RORA: variants seen among roughly 807,000 people sequenced by gnomAD.
The protein encoded by RORA is nuclear receptor ROR-alpha.
Under a neutral mutation model 69.5 loss-of-function variants are expected in RORA, and 7 were observed. The ratio of observed to expected loss-of-function variants is 0.10; its 90% confidence interval spans 0.06 to 0.19. RORA has a LOEUF of 0.19. Ranked by LOEUF, RORA falls within the 10% of genes least tolerant of loss-of-function variation. The probability of loss-of-function intolerance (pLI) is 1.00; values close to 1 mark genes in which losing one functional copy is unlikely to be tolerated. For missense variants in RORA, 457 were observed against 663.0 expected (o/e 0.69, Z 3.41); for synonymous variants, 261 against 240.8 (o/e 1.08, Z -0.78).
At chr15:61,194,341 T>C (rs2079827851) in intron 1 of RORA, among the ~76,000 whole-genome samples, 1 of 151,896 alleles carries the variant, frequency 6.6e-6, no homozygotes, top group Admixed American at 6.6e-5. Flanking sequence ...AGGAGGATCA[T>C]GAGGTCAGGA....
chr15:60,883,306 G>A (rs1348319783), intron 1 of RORA, among the ~76,000 whole-genome samples: 2 of 151,726 alleles, frequency 1.3e-5, no homozygotes, highest in Admixed American at 1.3e-4. Context: ...GTACAAATAG[G>A]GACTCTTTTG....
At chr15:61,187,456 C>G (rs2079754850) in intron 1 of RORA, among the ~76,000 whole-genome samples, 2 of 152,006 alleles carry the variant, frequency 1.3e-5, no homozygotes. Context: ...GAAGAGCCTC[C>G]AGGGGGAGGA....
At chr15:60,883,447 G>A (rs2073714760) in intron 1 of RORA, among the ~76,000 whole-genome samples, 1 of 152,104 alleles carries the variant, frequency 6.6e-6, no homozygotes, top group South Asian at 2.1e-4. Context: ...ATGATGGAAT[G>A]GTATGCAGCT....
intron 2 of RORA, among the ~76,000 whole-genome samples, chr15:60,579,248 G>A (rs2068121405): frequency 6.6e-6 from 1 of 152,064 alleles, no homozygotes; most frequent in African/African-American, 2.4e-5. Context: ...CCTCAGTATT[G>A]TTATGGAACT....
intron 1 of RORA, among the ~76,000 whole-genome samples, chr15:60,873,930 C>CT (rs1375882810): frequency 6.6e-6 from 1 of 152,188 alleles, no homozygotes; most frequent in Non-Finnish European, 1.5e-5. Context: ...AGCAGTCTGT[C>CT]TATCCTTCTA....
At chr15:61,183,520 A>C (rs1266968635) in intron 1 of RORA, among the ~76,000 whole-genome samples, 4 of 134,940 alleles carry the variant, frequency 3.0e-5, no homozygotes, top group Non-Finnish European at 4.7e-5. Flanking sequence ...GGGCAACAAG[A>C]GTGAGACTGT....
chr15:60,522,087 G>A (rs572114359), intron 3 of RORA, among the ~76,000 whole-genome samples: 1 of 152,330 alleles, frequency 6.6e-6, no homozygotes, highest in South Asian at 2.1e-4. Context: ...CAAGAGCTGA[G>A]TGCTAAAATG....
In RORA at chr15:60,493,129, A is replaced by C. The variant is rs1700374705; in HGVS notation, c.*4326T>G. ...TTGTTTTTCACCAGTCAGCACAAAG[A>C]ACTGTCAGAAAATAACTTTTTATTA... On this transcript the variant is annotated 3_prime_UTR_variant, in exon 11 of 11. Coordinates refer to ENST00000335670, the MANE Select transcript of RORA (RefSeq NM_134261.3). The C allele has an allele frequency of 6.6e-6, 1 of 152,182 alleles. No individual in the cohort carries two copies. Among genetic ancestry groups the C allele is most frequent in the South Asian group, 2.1e-4 (1 of 4,828 alleles). 9.4% of individuals were successfully genotyped at this position (152,182 alleles called of 1,614,324 possible). A position where few individuals can be genotyped will look rare whatever the true frequency, so the allele number is the denominator to read the frequency against.
intron 2 of RORA, among the ~76,000 whole-genome samples, chr15:60,595,803 G>A (rs2068654272): frequency 6.6e-6 from 1 of 152,070 alleles, no homozygotes; most frequent in African/African-American, 2.4e-5. Flanking sequence ...GGTTTCTGTT[G>A]ACTAATCTCA....
At chr15:60,819,761 A>ACACACACACACACGCG (rs2072865860) in intron 1 of RORA, among the ~76,000 whole-genome samples, 1 of 138,034 alleles carries the variant, frequency 7.2e-6, no homozygotes, top group Non-Finnish European at 1.6e-5. Context: ...ACACACACAC[A>ACACACACACACACGCG]CACACACACA....
At chr15:60,812,992 C>T (rs1172215859) in intron 1 of RORA, among the ~76,000 whole-genome samples, 1 of 152,232 alleles carries the variant, frequency 6.6e-6, no homozygotes, top group Non-Finnish European at 1.5e-5. Context: ...GATAACAAAT[C>T]TCTACCTCTC....
At chr15:60,714,927 A>C (rs2071200343) in intron 1 of RORA, among the ~76,000 whole-genome samples, 3 of 152,154 alleles carry the variant, frequency 2.0e-5, no homozygotes, top group African/African-American at 7.2e-5. Context: ...AATCCCTGAG[A>C]GTTGAGAGAC....
intron 1 of RORA, among the ~76,000 whole-genome samples, chr15:60,685,197 A>T (rs757840429): frequency 6.6e-6 from 1 of 152,180 alleles, no homozygotes; most frequent in Non-Finnish European, 1.5e-5. Flanking sequence ...AGAGCTAAGG[A>T]AAGAATTTTC....
chr15:60,892,907 G>A lies in RORA; in HGVS notation c.167-214221C>T, dbSNP rs944363940. 5.3e-5 allele frequency among the ~76,000 whole-genome samples: 8 copies of A among 152,128 alleles called. No individual in the cohort carries two copies. The East Asian group carries it at 1.2e-3, about 22-fold the overall frequency. On this transcript the variant is annotated intron_variant, in intron 1 of 10. Coordinates refer to ENST00000335670, the MANE Select transcript of RORA (RefSeq NM_134261.3). ...ATAAATTTAGCTGGAACATTGTATC[G>A]GATTCTATAATGCACTTACGTGAGC...
intron 1 of RORA, among the ~76,000 whole-genome samples, chr15:61,002,290 G>A (rs2097674143): frequency 6.6e-6 from 1 of 152,182 alleles, no homozygotes; most frequent in African/African-American, 2.4e-5. Context: ...TCAGTGTGTT[G>A]AAGCTGCAGC....
intron 5 of RORA, among the ~76,000 whole-genome samples, chr15:60,510,092 C>A (rs751958412): frequency 6.6e-5 from 10 of 152,196 alleles, no homozygotes; most frequent in African/African-American, 2.2e-4. Flanking sequence ...AAGAACACAG[C>A]CATTATTTCT....
intron 1 of RORA, among the ~76,000 whole-genome samples, chr15:60,759,561 C>T (rs2071853618): frequency 6.6e-6 from 1 of 152,164 alleles, no homozygotes; most frequent in Non-Finnish European, 1.5e-5. Context: ...TTTTTAGGAT[C>T]ACATTTTGCG....
intron 1 of RORA, among the ~76,000 whole-genome samples, chr15:61,017,849 T>TA (rs1321715573): frequency 6.6e-6 from 1 of 152,206 alleles, no homozygotes; most frequent in Non-Finnish European, 1.5e-5. Flanking sequence ...TAATCGCTGT[T>TA]ACAGTAAAAC....
At chr15:60,769,455 T>A (rs1040931751) in intron 1 of RORA, among the ~76,000 whole-genome samples, 1 of 152,134 alleles carries the variant, frequency 6.6e-6, no homozygotes. Flanking sequence ...TGAGCTGACA[T>A]ATGCACCTGT....
Sources: gnomAD v4.1 joint callset for allele counts (sites outside exome capture counted in the v4.1 genomes callset) on GRCh38, gnomAD v4.1.1 for gene constraint, MANE v1.5 for transcripts, NCBI Gene and HGNC (gene_info 2026-07-23, HGNC 2026-07-21) for gene names.